NANS: variants seen among roughly 807,000 people sequenced by gnomAD.
NANS encodes N-acetylneuraminate-9-phosphate synthase.
NANS carries 29 observed loss-of-function variants against 33.3 expected under a neutral mutation model. The observed-to-expected ratio is 0.87, with a 90% CI of 0.65 to 1.19. The LOEUF (loss-of-function observed/expected upper bound fraction) is 1.19, where lower values mean the gene tolerates loss of function less well. Ranked by LOEUF, NANS falls within the 50% of genes most tolerant of loss-of-function variation. The pLI is 0.00. For missense variants in NANS, 394 were observed against 461.1 expected (o/e 0.85, Z 1.33); for synonymous variants, 163 against 177.2 (o/e 0.92, Z 0.64).
At chr9:98,081,551 G>A (rs549834502) in intron 5 of NANS, 1 of 159,196 alleles carries the variant, frequency 6.3e-6, no homozygotes, top group South Asian at 1.8e-4. Context: ...TCGTTGCAGA[G>A]GTGGGTGGGT....
At chr9:98,068,976 T>TGGGACATA (rs1829232340) in intron 2 of NANS, among the ~76,000 whole-genome samples, 1 of 152,216 alleles carries the variant, frequency 6.6e-6, no homozygotes. Context: ...TAAACAGCTT[T>TGGGACATA]ATTGGGACAT....
intron 2 of NANS, among the ~76,000 whole-genome samples, chr9:98,066,329 T>C (rs750482021): frequency 2.0e-5 from 3 of 152,186 alleles, no homozygotes; most frequent in South Asian, 2.1e-4. Flanking sequence ...CAAATGTTAT[T>C]TGTCCTTTCC....
intron 3 of NANS, among the ~76,000 whole-genome samples, chr9:98,077,269 C>T (rs1027741734): frequency 6.6e-5 from 10 of 151,982 alleles, no homozygotes; most frequent in Admixed American, 6.6e-5. Context: ...TGCCAGAAAC[C>T]TCTTTTCAAT....
At chr9:98,076,368 C>G in intron 2 of NANS, 1 of 153,252 alleles carries the variant, frequency 6.5e-6, no homozygotes, top group Non-Finnish European at 1.4e-5. Flanking sequence ...GGGAAAGGTT[C>G]TTTTCCAGAT....
chr9:98,082,673 C>T (rs987523307), intron 5 of NANS, among the ~76,000 whole-genome samples, 173 bp from the exon 6 acceptor site: 1 of 152,204 alleles, frequency 6.6e-6, no homozygotes, highest in Non-Finnish European at 1.5e-5. Flanking sequence ...TCAATCTATA[C>T]TGGTTGAATT....
At chr9:98,065,640 CTT>C (rs751144623) in intron 2 of NANS, among the ~76,000 whole-genome samples, 4 of 143,902 alleles carry the variant, frequency 2.8e-5, no homozygotes, top group Admixed American at 7.0e-5. Context: ...CATCCAGCTG[CTT>C]TTTTTTTTTT....
At chr9:98,080,747 C>G in intron 4 of NANS, 69 bp from the exon 5 acceptor site, 8 of 1,503,694 alleles carry the variant, frequency 5.3e-6, no homozygotes, top group Non-Finnish European at 7.1e-6. Flanking sequence ...CAACCAGATA[C>G]GCTTCACCTG....
At position 98,081,457 on chromosome 9, in the gene NANS, A is replaced by G. The variant is rs1221906544; in HGVS notation, c.870+375A>G. ...TTGGAGCAGGTAAGCCCTGAGAAAC[A>G]TTTAGGCACGGTGTTCCCTGAGGTA... On this transcript the variant is annotated intron_variant, in intron 5 of 5. Transcript: ENST00000210444. The G allele has an allele frequency of 4.0e-5, 8 of 198,542 alleles. No individual in the cohort carries two copies. In the East Asian group the frequency reaches 1.1e-3, roughly 28 times the overall value. 12.3% of individuals were successfully genotyped at this position (198,542 alleles called of 1,614,324 possible). A position where few individuals can be genotyped will look rare whatever the true frequency, so the allele number is the denominator to read the frequency against.
At chr9:98,074,938 T>G (rs1169733589) in intron 2 of NANS, 1 of 152,104 alleles carries the variant, frequency 6.6e-6, no homozygotes, top group East Asian at 1.9e-4. Flanking sequence ...TATTTAAAAC[T>G]GATGTTTTTT....
chr9:98,069,409 G>T (rs1829245330), intron 2 of NANS: 1 of 152,190 alleles, frequency 6.6e-6, no homozygotes. Flanking sequence ...GAGTAGCAGG[G>T]ATTACAGGCA....
Position 98,076,950 on chromosome 9 carries a change from T to C in NANS, c.381T>C (p.Val127=). 2 of 1,612,610 alleles carry C rather than the reference T, an allele frequency of 1.2e-6. No individual in the cohort carries two copies. The highest frequency in any genetic ancestry group is 1.3e-5 in the African/African-American group (1 of 74,980). Residue 127 remains valine, a synonymous_variant, in exon 3 of 6, where the codon GTT becomes GTC. Transcript: ENST00000210444. ...TTGAATTCCTGCATGAACTGAATGT[T>C]CCATTTTTCAAAGTTGGATCTGGAG... ...MAVEFLHELN[V]PFFKVGSGDT... is the part of the protein sequence containing the mutation.
In NANS at chr9:98,065,483, A is replaced by ATTTTTTTTTTTTTTTTTTTT. The variant is rs397837187; in HGVS notation, c.348+4494_348+4513dup. ...AGGCGTCCACCACCATGCCCAGCTA[A>ATTTTTTTTTTTTTTTTTTTT]TTTTTTTTTTTTTTTTTTTTTTTTT... On this transcript the variant is annotated intron_variant, in intron 2 of 5. Transcript: ENST00000210444. Among the ~76,000 whole-genome samples, 22 of 58,632 alleles carry ATTTTTTTTTTTTTTTTTTTT rather than the reference A, an allele frequency of 3.8e-4. 1 individual carries two copies. The highest frequency in any genetic ancestry group is 5.7e-4 in the Non-Finnish European group (20 of 35,346). 38.5% of individuals were successfully genotyped at this position (58,632 alleles called of 152,430 possible). A position where few individuals can be genotyped will look rare whatever the true frequency, so the allele number is the denominator to read the frequency against.
intron 2 of NANS, among the ~76,000 whole-genome samples, chr9:98,061,634 G>T (rs1388766949): frequency 6.6e-6 from 1 of 150,556 alleles, no homozygotes; most frequent in Non-Finnish European, 1.5e-5. Context: ...CAAAAAATTA[G>T]CTGGGCGTGG....
At chr9:98,060,410 T>A (rs1285019333) in intron 1 of NANS, among the ~76,000 whole-genome samples, 1 of 152,248 alleles carries the variant, frequency 6.6e-6, no homozygotes, top group East Asian at 1.9e-4. Flanking sequence ...GACTCATGCC[T>A]GTAATCCCAG....
chr9:98,074,051 G>T (rs145135186), intron 2 of NANS, among the ~76,000 whole-genome samples: 1 of 152,298 alleles, frequency 6.6e-6, no homozygotes, highest in East Asian at 1.9e-4. Flanking sequence ...CTCCCAAAGT[G>T]CTGGGATTAC....
Position 98,060,910 on chromosome 9 carries a change from T to C in NANS, c.261T>C (p.His87=). ...WGKTYGEHKR[H]LEFSHDQYRE... is the part of the protein sequence containing the mutation. ...AGACGTACGGGGAGCACAAACGACA[T>C]CTGGAGTTCAGCCATGACCAGTACA... Residue 87 remains histidine, a synonymous_variant, in exon 2 of 6, where the codon CAT becomes CAC. Transcript: ENST00000210444. 3.1e-6 allele frequency: 5 copies of C among 1,614,118 alleles called. No homozygotes were observed. Among genetic ancestry groups the C allele is most frequent in the Non-Finnish European group, 3.4e-6 (4 of 1,180,020 alleles).
At chr9:98,057,413 C>T (rs1208319027) in intron 1 of NANS, among the ~76,000 whole-genome samples, 1 of 152,198 alleles carries the variant, frequency 6.6e-6, no homozygotes, top group East Asian at 1.9e-4. Context: ...CTCTCACCCG[C>T]CATTCCCTGT....
intron 1 of NANS, among the ~76,000 whole-genome samples, chr9:98,057,646 C>T (rs1828864954): frequency 6.6e-6 from 1 of 152,080 alleles, no homozygotes; most frequent in African/African-American, 2.4e-5. Context: ...ACACATGAGT[C>T]GGTAAATGCG....
intron 3 of NANS, among the ~76,000 whole-genome samples, chr9:98,077,662 A>G (rs1246669570): frequency 6.6e-6 from 1 of 152,190 alleles, no homozygotes; most frequent in Non-Finnish European, 1.5e-5. Flanking sequence ...GTGGGACATG[A>G]TCGTGTAAAG....
Sources: gnomAD v4.1 joint callset for allele counts (sites outside exome capture counted in the v4.1 genomes callset) on GRCh38, gnomAD v4.1.1 for gene constraint, MANE v1.5 for transcripts, NCBI Gene and HGNC (gene_info 2026-07-23, HGNC 2026-07-21) for gene names.